The following TNFRSF1B variants were observed in gnomAD, a reference collection of about 807,000 sequenced individuals.
TNFRSF1B encodes the protein tumor necrosis factor receptor superfamily member 1B.
Under a neutral mutation model 44.6 loss-of-function variants are expected in TNFRSF1B, and 19 were observed. The ratio of observed to expected loss-of-function variants is 0.43; its 90% confidence interval spans 0.30 to 0.62. TNFRSF1B has a LOEUF of 0.62. Ranked by LOEUF, TNFRSF1B falls within the 20% of genes least tolerant of loss-of-function variation. TNFRSF1B has a pLI of 0.16. For synonymous variants in TNFRSF1B, 252 were observed against 261.1 expected (o/e 0.97, Z 0.34); for missense variants, 541 against 619.9 (o/e 0.87, Z 1.35).
intron 3 of TNFRSF1B, 70 bp downstream of exon 3, chr1:12,191,155 CTT>C (rs1340510207): frequency 1.9e-6 from 3 of 1,574,868 alleles, no homozygotes; most frequent in Non-Finnish European, 2.6e-6. Context: ...ACTCCAGCCT[CTT>C]TGGCTTCCAG....
intron 3 of TNFRSF1B, among the ~76,000 whole-genome samples, chr1:12,191,344 C>T (rs560872112): frequency 1.3e-5 from 2 of 152,312 alleles, no homozygotes; most frequent in East Asian, 1.9e-4. Flanking sequence ...GAGAGTGGTG[C>T]GCATGCTCGT....
At chr1:12,190,871 C>T (rs996478307) in intron 2 of TNFRSF1B, 86 bp from the exon 3 acceptor site, 2 of 1,526,170 alleles carry the variant, frequency 1.3e-6, no homozygotes, top group South Asian at 1.2e-5. Flanking sequence ...GGCTTTAGAA[C>T]TCTGGACTTT....
intron 1 of TNFRSF1B, among the ~76,000 whole-genome samples, chr1:12,183,739 A>AGC (rs1557629195): frequency 4.8e-5 from 6 of 124,136 alleles, no homozygotes; most frequent in Non-Finnish European, 1.1e-4. Context: ...CTATCTATCT[A>AGC]TCTATCTATC....
chr1:12,188,408 G>A (rs373140796), intron 1 of TNFRSF1B, among the ~76,000 whole-genome samples: 3 of 152,176 alleles, frequency 2.0e-5, no homozygotes, highest in African/African-American at 7.2e-5. Context: ...TGTTTCAGGT[G>A]CAGGAGGGAA....
rs928283652 is a variant in TNFRSF1B, at chr1:12,177,157, C to G, written c.78+9988C>G. ...AGCTGGGACTACAGGCGTGCCCCAC[C>G]ACGCCTGGCTAATTTTTTGTATTTT... On this transcript the variant is annotated intron_variant, in intron 1 of 9. Transcript: ENST00000376259. This position sits in a 1 kb window ranked among gnomAD's most constrained non-coding sequence, Gnocchi z 4.3. Among the ~76,000 whole-genome samples the G allele has an allele frequency of 6.6e-6, 1 of 152,154 alleles. No individual in the cohort carries two copies. Among genetic ancestry groups the G allele is most frequent in the Non-Finnish European group, 1.5e-5 (1 of 68,008 alleles).
rs60313758 is a variant in TNFRSF1B at position 12,198,691 on chromosome 1, G to GTTTTTTTTTTTTTTTTT, written c.901-3275_901-3259dup. ...TGGCTGGCTGGCTGGCTGGAATTCT[G>GTTTTTTTTTTTTTTTTT]TTTTTTTTTTTTTTTTTGAGAAAGA... On this transcript the variant is annotated intron_variant, in intron 8 of 9. Transcript: ENST00000376259. 1.8e-4 allele frequency among the ~76,000 whole-genome samples: 15 copies of GTTTTTTTTTTTTTTTTT among 85,628 alleles called. 2 individuals carry two copies. The highest frequency in any genetic ancestry group is 4.2e-4 in the African/African-American group (9 of 21,372). The allele number at this position is 85,628 out of a possible 152,430, so 56.2% of individuals were successfully genotyped here.
intron 1 of TNFRSF1B, 39 bp downstream of exon 1, chr1:12,167,208 G>A (rs1168130592): frequency 2.4e-6 from 3 of 1,233,732 alleles, no homozygotes; most frequent in Non-Finnish European, 3.1e-6. Context: ...CAGCCGCCCC[G>A]CATGTCCACC....
intron 2 of TNFRSF1B, 58 bp from the exon 3 acceptor site, chr1:12,190,899 G>T: frequency 6.3e-7 from 1 of 1,589,890 alleles, no homozygotes; most frequent in South Asian, 1.1e-5. Flanking sequence ...CAGTGGATGA[G>T]CCCAGGGTCC....
In TNFRSF1B at chr1:12,199,996, C is replaced by T. The variant is rs1639351998; in HGVS notation, c.901-1971C>T. On this transcript the variant is annotated intron_variant, in intron 8 of 9. Coordinates refer to ENST00000376259, the MANE Select transcript of TNFRSF1B (RefSeq NM_001066.3). The surrounding 1 kb of genome is among the most constrained non-coding windows in gnomAD (Gnocchi z 4.0). ...ACAGCCTGGGAGAGGAATTTCCAGC[C>T]TCTCTTCAGTGTGCGTGTCTGGAAA... Among the ~76,000 whole-genome samples, 3 of 152,138 alleles carry T rather than the reference C, an allele frequency of 2.0e-5. No individual in the cohort carries two copies. Among genetic ancestry groups the T allele is most frequent in the Non-Finnish European group, 2.9e-5 (2 of 68,028 alleles).
intron 8 of TNFRSF1B, 74 bp downstream of exon 8, chr1:12,194,692 G>C (rs1237542862): frequency 6.5e-7 from 1 of 1,544,580 alleles, no homozygotes; most frequent in Non-Finnish European, 9.0e-7. Flanking sequence ...CACAGAGGAA[G>C]CAGTGAATTC....
chr1:12,186,158 T>G lies in TNFRSF1B; in HGVS notation c.79-2638T>G, dbSNP rs947937227. Among the ~76,000 whole-genome samples, 12 of 152,184 alleles carry G rather than the reference T, an allele frequency of 7.9e-5. No homozygotes were observed. The highest frequency in any genetic ancestry group is 2.7e-4 in the African/African-American group (11 of 41,440). Reference sequence around the variant, plus strand: ...CCTCTGGGTCGTTCCCGCTGAGGGATTCCAGCTGTTGGCACCGAGGGGTGC... The same window carrying G: ...CCTCTGGGTCGTTCCCGCTGAGGGAGTCCAGCTGTTGGCACCGAGGGGTGC... On this transcript the variant is annotated intron_variant, in intron 1 of 9. Transcript: ENST00000376259. The surrounding 1 kb of genome is among the most constrained non-coding windows in gnomAD (Gnocchi z 4.8).
At chr1:12,185,581 C>G (rs1351775199) in intron 1 of TNFRSF1B, among the ~76,000 whole-genome samples, 1 of 152,174 alleles carries the variant, frequency 6.6e-6, no homozygotes, top group Non-Finnish European at 1.5e-5. Flanking sequence ...ACTGAGGCTC[C>G]AGACGGGGGT....
intron 3 of TNFRSF1B, 103 bp downstream of exon 3, chr1:12,191,188 C>A (rs1639113342): frequency 2.0e-6 from 3 of 1,491,002 alleles, no homozygotes; most frequent in Admixed American, 2.0e-5. Flanking sequence ...TTACCCCAGG[C>A]TGGTTGTTGG....
chr1:12,193,992 A>T lies in TNFRSF1B; in HGVS notation c.825A>T (p.Ile275=). ...GTGTGACAGCCTTGGGTCTACTAAT[A>T]ATAGGAGTGGTGAACTGTGTCATCA... is the stretch of plus-strand genomic sequence containing the variant. ...IVGVTALGLL[I]IGVVNCVIMT... is the part of the protein sequence containing the mutation. The change falls in exon 7 of 10, where the codon ATA becomes ATT. Residue 275 remains isoleucine, a synonymous_variant. Transcript: ENST00000376259. 1 of 1,613,948 alleles carries T rather than the reference A, an allele frequency of 6.2e-7. No individual in the cohort carries two copies. The highest frequency in any genetic ancestry group is 8.5e-7 in the Non-Finnish European group (1 of 1,179,938).
chr1:12,182,532 A>G (rs1280296787), intron 1 of TNFRSF1B, among the ~76,000 whole-genome samples: 1 of 152,148 alleles, frequency 6.6e-6, no homozygotes, highest in Non-Finnish European at 1.5e-5. Context: ...TTTACCCAGC[A>G]CCTACAACAC....
In TNFRSF1B at chr1:12,171,084, C is replaced by A. The variant is rs1638513199; in HGVS notation, c.78+3915C>A. ...GTGGCCCAATCTCTGCTCACTGCAA[C>A]CTCCACCTCCTGGGTTCAAGCAATT... On this transcript the variant is annotated intron_variant, in intron 1 of 9. Coordinates refer to ENST00000376259, the MANE Select transcript of TNFRSF1B (RefSeq NM_001066.3). The surrounding 1 kb of genome is among the most constrained non-coding windows in gnomAD (Gnocchi z 4.5). 6.6e-6 allele frequency among the ~76,000 whole-genome samples: 1 copy of A among 152,014 alleles called. No individual in the cohort carries two copies. The highest frequency in any genetic ancestry group is 1.9e-4 in the East Asian group (1 of 5,194).
chr1:12,191,216 C>A, intron 3 of TNFRSF1B, 131 bp downstream of exon 3: 1 of 1,217,124 alleles, frequency 8.2e-7, no homozygotes, highest in Non-Finnish European at 1.1e-6. Context: ...ACAGGTGCAG[C>A]TGTTTACCCC....
chr1:12,175,989 C>T (rs550711787), intron 1 of TNFRSF1B, among the ~76,000 whole-genome samples: 77 of 150,656 alleles, frequency 5.1e-4, no homozygotes, highest in African/African-American at 8.1e-4. Context: ...CCAAGGCGGG[C>T]GGATCACTTG....
chr1:12,190,286 C>T (rs912110608), intron 2 of TNFRSF1B, among the ~76,000 whole-genome samples: 13 of 151,732 alleles, frequency 8.6e-5, no homozygotes, highest in South Asian at 2.1e-4. Flanking sequence ...TGGTGGAACC[C>T]GTCTCTACTA....
Sources: gnomAD v4.1 joint callset for allele counts (sites outside exome capture counted in the v4.1 genomes callset) on GRCh38, gnomAD v4.1.1 for gene constraint, Gnocchi (gnomAD v3.1) non-coding constraint, MANE v1.5 for transcripts, NCBI Gene and HGNC (gene_info 2026-07-23, HGNC 2026-07-21) for gene names.